The following PRUNE2 variants were observed in gnomAD, a reference collection of about 807,000 sequenced individuals.
PRUNE2 encodes the protein protein prune homolog 2.
A neutral mutation model predicts 252.0 loss-of-function variants in PRUNE2; 164 were observed. The observed-to-expected ratio is 0.65, with a 90% CI of 0.57 to 0.74. The LOEUF (loss-of-function observed/expected upper bound fraction) is 0.74. Among genes scored for constraint, PRUNE2 ranks in the 30% least tolerant of loss-of-function variants. PRUNE2 has a pLI of 0.00. For synonymous variants in PRUNE2, 1,292 were observed against 1,350.2 expected (o/e 0.96, Z 0.94); for missense variants, 3,495 against 3,711.0 (o/e 0.94, Z 1.51).
chr9:76,654,960 T>C (rs904403867), intron 10 of PRUNE2, among the ~76,000 whole-genome samples: 14 of 152,176 alleles, frequency 9.2e-5, no homozygotes, highest in Non-Finnish European at 1.8e-4. Context: ...AAATTCCTTT[T>C]TGTGTATGCC....
chr9:76,704,688 G>A (rs1346258979), intron 8 of PRUNE2, 73 bp downstream of exon 8: 2 of 1,033,382 alleles, frequency 1.9e-6, no homozygotes, highest in East Asian at 5.2e-5. Flanking sequence ...TAGGAAGAGT[G>A]TGTCTTACAA....
intron 6 of PRUNE2, among the ~76,000 whole-genome samples, chr9:76,775,065 G>GA (rs1189654408): frequency 7.0e-6 from 1 of 143,754 alleles, no homozygotes; most frequent in East Asian, 2.1e-4. Flanking sequence ...AAGTCCCAAA[G>GA]AAGAAAAAAA....
At chr9:76,647,266 C>T (rs1845303106) in intron 11 of PRUNE2, among the ~76,000 whole-genome samples, 1 of 152,138 alleles carries the variant, frequency 6.6e-6, no homozygotes, top group Admixed American at 6.5e-5. Flanking sequence ...AGACAAGGAG[C>T]AAAGGCAATA....
chr9:76,726,457 T>A (rs985096648), intron 6 of PRUNE2, among the ~76,000 whole-genome samples: 1 of 152,176 alleles, frequency 6.6e-6, no homozygotes, highest in African/African-American at 2.4e-5. Flanking sequence ...CAAAGCCCCA[T>A]TTTAGTTCCA....
At chr9:76,768,492 C>A (rs917088778) in intron 6 of PRUNE2, among the ~76,000 whole-genome samples, 26 of 152,006 alleles carry the variant, frequency 1.7e-4, no homozygotes, top group Non-Finnish European at 2.6e-4. Context: ...TACTCCTGGC[C>A]CCATTTCAAC....
intron 6 of PRUNE2, among the ~76,000 whole-genome samples, chr9:76,716,171 G>A (rs1333866377): frequency 6.6e-6 from 1 of 152,188 alleles, no homozygotes; most frequent in Non-Finnish European, 1.5e-5. Context: ...ACTGTTCAAA[G>A]CCACACTTGT....
chr9:76,707,937 G>A lies in PRUNE2; in HGVS notation c.4337C>T (p.Thr1446Ile). The change falls in exon 8 of 19, where the codon ACT (threonine) becomes ATT (isoleucine). Residue 1446 changes from threonine (T) to isoleucine (I), a missense_variant. Thr to Ile is a moderately conservative substitution (Grantham distance 89, BLOSUM62 -1). Coordinates refer to ENST00000376718, the MANE Select transcript of PRUNE2 (RefSeq NM_015225.3). ...TTTTGTGAAATTCATCCCATCTGAA[G>A]TCTCAGTAGTTTCACCTGAATTTCT... ...SQRNSGETTETSDGMNFTKYV... is the reference protein window; with the variant it reads ...SQRNSGETTEISDGMNFTKYV... 4 of 1,613,870 alleles carry A rather than the reference G, an allele frequency of 2.5e-6. No homozygotes were observed. In the South Asian group the frequency reaches 3.3e-5, roughly 13 times the overall value.
In PRUNE2 at chr9:76,854,115, A is replaced by G; in HGVS notation, c.130T>C (p.Phe44Leu). The G allele has an allele frequency of 6.3e-7, 1 of 1,575,926 alleles. No homozygotes were observed. The highest frequency in any genetic ancestry group is 2.2e-5 in the East Asian group (1 of 44,512). ...SLISTFTYAY[F>L]LDKVSPPGVL... is the part of the protein sequence containing the mutation. ...CTTTTTTCCCTCACCTTGTCTAGAA[A>G]GTAAGCATATGTGAAGGTAGAAATG... Residue 44 changes from phenylalanine (F) to leucine (L), a missense_variant, in exon 2 of 19, where the codon TTT (phenylalanine) becomes CTT (leucine). Transcript: ENST00000376718.
chr9:76,646,622 G>A (rs946281433), intron 11 of PRUNE2, among the ~76,000 whole-genome samples: 2 of 152,112 alleles, frequency 1.3e-5, no homozygotes, highest in Non-Finnish European at 2.9e-5. Context: ...ACATGGGTTA[G>A]GACCCTAGGA....
At chr9:76,734,118 A>G (rs2048874127) in intron 6 of PRUNE2, among the ~76,000 whole-genome samples, 1 of 152,162 alleles carries the variant, frequency 6.6e-6, no homozygotes, top group Non-Finnish European at 1.5e-5. Flanking sequence ...CAGATTTGGC[A>G]GCATTCAAAC....
chr9:76,838,864 G>A (rs10781384), intron 4 of PRUNE2, among the ~76,000 whole-genome samples: 29,015 of 151,986 alleles, frequency 0.19, 3,650 homozygotes, highest in African/African-American at 0.34. Context: ...AAGGGTGCTC[G>A]CTTTGTGATA....
chr9:76,831,433 TA>T (rs2058672211), intron 4 of PRUNE2, among the ~76,000 whole-genome samples: 2 of 152,268 alleles, frequency 1.3e-5, no homozygotes, highest in African/African-American at 2.4e-5. Flanking sequence ...ATTCACTGTA[TA>T]AAACAATTAT....
At chr9:76,623,704 C>T (rs932276800) in intron 17 of PRUNE2, among the ~76,000 whole-genome samples, 3 of 152,180 alleles carry the variant, frequency 2.0e-5, no homozygotes, top group African/African-American at 7.2e-5. Flanking sequence ...CAGTTTATTG[C>T]CCTGTTGTTT....
At chr9:76,868,958 G>A (rs559960909) in intron 1 of PRUNE2, 2 of 151,972 alleles carry the variant, frequency 1.3e-5, no homozygotes, top group Middle Eastern at 3.4e-3. Flanking sequence ...TCTGTAGCCT[G>A]CTGCTGTGCG....
At chr9:76,834,328 T>G (rs577269131) in intron 4 of PRUNE2, among the ~76,000 whole-genome samples, 1 of 152,250 alleles carries the variant, frequency 6.6e-6, no homozygotes, top group Non-Finnish European at 1.5e-5. Flanking sequence ...CACAATTATG[T>G]GTGCAAAAAA....
At position 76,750,600 on chromosome 9, in the gene PRUNE2, C is replaced by T. The variant is rs1018703125; in HGVS notation, c.757-36879G>A. Among the ~76,000 whole-genome samples, 15 of 152,222 alleles carry T rather than the reference C, an allele frequency of 9.9e-5. No homozygotes were observed. In the South Asian group the frequency reaches 1.0e-3, roughly 11 times the overall value. On this transcript the variant is annotated intron_variant, in intron 6 of 18. Transcript: ENST00000376718. Reference sequence around the variant, plus strand: ...GATGCATTTACAAAGTCAGTTTTTGCGGTGGGGCACTGTGAACTGAAGGAA... The same window carrying T: ...GATGCATTTACAAAGTCAGTTTTTGTGGTGGGGCACTGTGAACTGAAGGAA...
At chr9:76,816,069 G>A (rs1187334327) in intron 6 of PRUNE2, among the ~76,000 whole-genome samples, 1 of 151,512 alleles carries the variant, frequency 6.6e-6, no homozygotes, top group Non-Finnish European at 1.5e-5. Context: ...GGCTGAGGCA[G>A]GAGAATCACT....
At chr9:76,731,489 TTTTG>T (rs1434336550) in intron 6 of PRUNE2, among the ~76,000 whole-genome samples, 4 of 152,010 alleles carry the variant, frequency 2.6e-5, no homozygotes, top group Non-Finnish European at 5.9e-5. Context: ...ACCCAGCTAA[TTTTG>T]TTTTTTTATT....
At chr9:76,728,843 T>G (rs1746820109) in intron 6 of PRUNE2, among the ~76,000 whole-genome samples, 1 of 152,156 alleles carries the variant, frequency 6.6e-6, no homozygotes, top group Non-Finnish European at 1.5e-5. Context: ...AATAACCTAC[T>G]TATAAAATGA....
Sources: allele counts gnomAD v4.1 joint callset (sites outside exome capture counted in the v4.1 genomes callset), GRCh38; gene constraint gnomAD v4.1.1; transcripts MANE v1.5; gene names NCBI Gene and HGNC (gene_info 2026-07-23, HGNC 2026-07-21).